NRXN3: variants seen among roughly 807,000 people sequenced by gnomAD.
The protein encoded by NRXN3 is neurexin 3, also known as neurexin III.
In NRXN3, 32 loss-of-function variants were observed where a neutral mutation model predicts 137.6. The ratio of observed to expected loss-of-function variants is 0.23; its 90% CI spans 0.18 to 0.31. NRXN3 has a LOEUF of 0.31. Among genes scored for constraint, NRXN3 ranks in the 10% least tolerant of loss-of-function variants. The probability of loss-of-function intolerance (pLI) is 1.00; values close to 1 mark genes in which losing one functional copy is unlikely to be tolerated. For missense variants in NRXN3, 1,574 were observed against 2,062.5 expected, an observed-to-expected ratio of 0.76 and a Z score of 4.59; for synonymous variants, 798 against 784.5, an observed-to-expected ratio of 1.02 and a Z score of -0.29.
chr14:78,489,846 G>A (rs905808698), intron 4 of NRXN3, among the ~76,000 whole-genome samples: 1 of 151,972 alleles, frequency 6.6e-6, no homozygotes, highest in Non-Finnish European at 1.5e-5. Flanking sequence ...AGGCATGGTG[G>A]TGAGATGGAT....
rs574621304 is a variant in NRXN3, at chr14:79,837,080, C to A, written c.4094-24262C>A. Among the ~76,000 whole-genome samples the A allele has an allele frequency of 2.6e-5, 4 of 152,076 alleles. No homozygotes were observed. In the East Asian group the frequency reaches 7.7e-4, roughly 29 times the overall value. ...AATTATCACCGCTTTCTAAGACTTA[C>A]CAAGCTAGGGGTGTTGTAAAGTATG... On this transcript the variant is annotated intron_variant, in intron 20 of 20. Transcript: ENST00000335750.
intron 8 of NRXN3, among the ~76,000 whole-genome samples, chr14:78,728,929 CT>C (rs1248976183): frequency 6.6e-6 from 1 of 152,092 alleles, no homozygotes; most frequent in East Asian, 1.9e-4. Flanking sequence ...CAACAAAAAG[CT>C]GGATTTGAAT....
intron 10 of NRXN3, among the ~76,000 whole-genome samples, chr14:78,824,200 T>C (rs1023551644): frequency 4.1e-5 from 6 of 148,140 alleles, no homozygotes; most frequent in Non-Finnish European, 5.9e-5. Flanking sequence ...TACTGAGGCA[T>C]GAATATACTA....
intron 10 of NRXN3, among the ~76,000 whole-genome samples, chr14:78,865,046 G>C (rs2099083051): frequency 6.6e-6 from 1 of 152,032 alleles, no homozygotes; most frequent in Admixed American, 6.6e-5. Context: ...TGTATTTTGG[G>C]GTAGTATGTC....
chr14:78,675,269 G>T (rs1602260517), intron 6 of NRXN3, among the ~76,000 whole-genome samples: 2 of 152,094 alleles, frequency 1.3e-5, no homozygotes, highest in African/African-American at 4.8e-5. Context: ...ATGCAAATCA[G>T]CCCCCAGGTC....
At chr14:78,941,542 GT>G (rs1050312565) in intron 10 of NRXN3, among the ~76,000 whole-genome samples, 3 of 152,100 alleles carry the variant, frequency 2.0e-5, no homozygotes, top group African/African-American at 7.2e-5. Context: ...AGCACCATTG[GT>G]TATGGAGGTC....
intron 1 of NRXN3, among the ~76,000 whole-genome samples, chr14:78,236,910 A>G (rs566122657): frequency 6.6e-6 from 1 of 152,232 alleles, no homozygotes; most frequent in South Asian, 2.1e-4. Context: ...CTCCCTCACT[A>G]CATGCAGTAG....
In NRXN3 at chr14:78,710,487, T is replaced by C. The variant is rs1007278719; in HGVS notation, c.1660+832T>C. Among the ~76,000 whole-genome samples the C allele has an allele frequency of 4.6e-5, 7 of 152,178 alleles. No homozygotes were observed. The East Asian group carries it at 1.2e-3, about 25-fold the overall frequency. On this transcript the variant is annotated intron_variant, in intron 7 of 20. Coordinates refer to ENST00000335750, the MANE Select transcript of NRXN3 (RefSeq NM_001330195.2). ...TTCTGTGCTATCAGAAAGGGCATTT[T>C]CCCAAGAGCAGTAATTAGAGCATTT... is the stretch of plus-strand genomic sequence containing the variant.
In NRXN3 at chr14:79,631,231, C is replaced by T. The variant is rs141853414; in HGVS notation, c.3445-32547C>T. 6.8e-3 allele frequency among the ~76,000 whole-genome samples: 1,037 copies of T among 152,340 alleles called. 12 individuals carry two copies. Among genetic ancestry groups the T allele is most frequent in the Middle Eastern group, 0.044 (13 of 294 alleles). ...TTAATTGGTAAATTATAGTCAATTG[C>T]CAACAGCAGTAAGTGCTAGAGAGGA... On this transcript the variant is annotated intron_variant, in intron 16 of 20. Transcript: ENST00000335750.
chr14:79,191,157 A>G (rs1405337986), intron 15 of NRXN3, among the ~76,000 whole-genome samples: 1 of 152,226 alleles, frequency 6.6e-6, no homozygotes, highest in East Asian at 1.9e-4. Flanking sequence ...TGCCCATTGC[A>G]TGAGACACAT....
At chr14:78,680,829 G>T (rs2098066994) in intron 6 of NRXN3, among the ~76,000 whole-genome samples, 1 of 152,114 alleles carries the variant, frequency 6.6e-6, no homozygotes, top group Non-Finnish European at 1.5e-5. Flanking sequence ...TCTACCTCCT[G>T]AACTAGCATG....
intron 19 of NRXN3, among the ~76,000 whole-genome samples, chr14:79,769,794 G>A (rs1239929754): frequency 6.6e-6 from 1 of 151,986 alleles, no homozygotes; most frequent in Non-Finnish European, 1.5e-5. Context: ...AAATGTAAAT[G>A]GATTAAATTC....
intron 10 of NRXN3, among the ~76,000 whole-genome samples, chr14:78,852,920 A>G (rs549470862): frequency 6.6e-6 from 1 of 151,904 alleles, no homozygotes; most frequent in South Asian, 2.1e-4. Context: ...AGCTTTCTCA[A>G]ATAAGAGAAC....
At chr14:78,437,045 C>T (rs1002846194) in intron 4 of NRXN3, among the ~76,000 whole-genome samples, 4 of 152,198 alleles carry the variant, frequency 2.6e-5, no homozygotes, top group African/African-American at 9.7e-5. Flanking sequence ...CCTCAGTTTC[C>T]TCATTTGGAA....
At chr14:79,431,783 A>C (rs902781658) in intron 15 of NRXN3, among the ~76,000 whole-genome samples, 3 of 152,134 alleles carry the variant, frequency 2.0e-5, no homozygotes, top group Non-Finnish European at 4.4e-5. Context: ...AAGAAAAAAA[A>C]ACTCTACGCA....
intron 15 of NRXN3, among the ~76,000 whole-genome samples, chr14:79,100,327 G>T (rs2202180): frequency 3.3e-5 from 5 of 151,676 alleles, no homozygotes; most frequent in African/African-American, 1.2e-4. Flanking sequence ...ATCCCCGATC[G>T]TCTCTTTCTT....
At chr14:78,603,899 C>T (rs11159373) in intron 4 of NRXN3, among the ~76,000 whole-genome samples, 25,779 of 152,120 alleles carry the variant, frequency 0.17, 2,473 homozygotes, top group South Asian at 0.24. Flanking sequence ...GATTTTTCTG[C>T]TCCCTCTTCT....
intron 4 of NRXN3, among the ~76,000 whole-genome samples, chr14:78,429,108 C>G (rs958874407): frequency 6.6e-6 from 1 of 151,956 alleles, no homozygotes; most frequent in Admixed American, 6.6e-5. Flanking sequence ...CAGAGTCTTG[C>G]TCTGTCACCC....
Position 79,404,107 on chromosome 14 carries a change from A to AT in NRXN3, c.3263-63113dup, listed in dbSNP as rs532485924. Reference sequence around the variant, plus strand: ...ACAGCAGCAAACACTGACAAATGAGATCTAATTAAACTAAAGAGCTTTTGC... The same window carrying AT: ...ACAGCAGCAAACACTGACAAATGAGATTCTAATTAAACTAAAGAGCTTTTGC... On this transcript the variant is annotated intron_variant, in intron 15 of 20. Coordinates refer to ENST00000335750, the MANE Select transcript of NRXN3 (RefSeq NM_001330195.2). 1.1e-4 allele frequency among the ~76,000 whole-genome samples: 16 copies of AT among 152,282 alleles called. 1 individual carries two copies. In the East Asian group the frequency reaches 2.7e-3, roughly 26 times the overall value.
Sources: allele counts gnomAD v4.1 joint callset (sites outside exome capture counted in the v4.1 genomes callset), GRCh38; gene constraint gnomAD v4.1.1; transcripts MANE v1.5; gene names NCBI Gene and HGNC (gene_info 2026-07-23, HGNC 2026-07-21).